DNM3: variants seen among roughly 807,000 people sequenced by gnomAD.
DNM3 encodes the protein dynamin-3.
A neutral mutation model predicts 101.6 loss-of-function variants in DNM3; 47 were observed. That is an observed-to-expected ratio of 0.46 (90% CI 0.37 to 0.59). The LOEUF (loss-of-function observed/expected upper bound fraction) is 0.59, where lower values mean the gene tolerates loss of function less well. Ranked by LOEUF, DNM3 falls within the 20% of genes least tolerant of loss-of-function variation. DNM3 has a pLI of 0.00. For synonymous variants in DNM3, 385 were observed against 387.9 expected (o/e 0.99, Z 0.09); for missense variants, 849 against 1,085.7 (o/e 0.78, Z 3.06).
chr1:172,089,814 A>C (rs1374557542), intron 12 of DNM3, among the ~76,000 whole-genome samples: 1 of 152,204 alleles, frequency 6.6e-6, no homozygotes, highest in East Asian at 1.9e-4. Context: ...TATCTAGTGT[A>C]GCTTATAAGC....
chr1:172,076,667 G>C (rs1037347886), intron 11 of DNM3, among the ~76,000 whole-genome samples: 4 of 152,064 alleles, frequency 2.6e-5, no homozygotes, highest in African/African-American at 9.7e-5. Flanking sequence ...GGATGAAGCC[G>C]ACTTGATCAT....
Position 172,236,073 on chromosome 1 carries a change from A to G in DNM3, c.1660-17500A>G, listed in dbSNP as rs148772323. Among the ~76,000 whole-genome samples, 843 of 152,304 alleles carry G rather than the reference A, an allele frequency of 5.5e-3. 8 individuals are homozygous for G. Among genetic ancestry groups the G allele is most frequent in the African/African-American group, 0.019 (792 of 41,568 alleles). ...AAATCCAAATTTAGCTCTTGGGACT[A>G]TAGTTTGCCAATCAGTGCTCCACTC... On this transcript the variant is annotated intron_variant, in intron 14 of 20. Coordinates refer to ENST00000627582, the MANE Select transcript of DNM3 (RefSeq NM_015569.5).
At chr1:172,078,238 A>T (rs1572408294) in intron 11 of DNM3, among the ~76,000 whole-genome samples, 1 of 152,106 alleles carries the variant, frequency 6.6e-6, no homozygotes, top group Middle Eastern at 3.4e-3. Flanking sequence ...GATTACAGGC[A>T]CCTGCCACCA....
At chr1:171,866,717 CA>C (rs1260058692) in intron 1 of DNM3, among the ~76,000 whole-genome samples, 2 of 151,854 alleles carry the variant, frequency 1.3e-5, no homozygotes, top group Admixed American at 1.3e-4. Context: ...TTGTACTTTT[CA>C]AATAGAATGT....
chr1:172,120,010 A>C (rs1469905999), intron 13 of DNM3, among the ~76,000 whole-genome samples: 1 of 152,198 alleles, frequency 6.6e-6, no homozygotes, highest in Non-Finnish European at 1.5e-5. Flanking sequence ...GTCAACTATC[A>C]ATCACCCTGT....
chr1:172,031,701 A>T (rs925114640), intron 4 of DNM3, among the ~76,000 whole-genome samples: 1 of 152,224 alleles, frequency 6.6e-6, no homozygotes, highest in Admixed American at 6.5e-5. Flanking sequence ...TTACTGGAAG[A>T]AACCTTGGAG....
chr1:171,982,676 G>GTC (rs563902097), intron 2 of DNM3, among the ~76,000 whole-genome samples: 141 of 151,808 alleles, frequency 9.3e-4, no homozygotes, highest in Non-Finnish European at 1.8e-3. Flanking sequence ...GTGTGTGTGT[G>GTC]TGTGTGTATA....
chr1:172,200,175 G>A (rs2060101190), intron 14 of DNM3, among the ~76,000 whole-genome samples: 1 of 152,078 alleles, frequency 6.6e-6, no homozygotes, highest in African/African-American at 2.4e-5. Flanking sequence ...AGCTTAGTTT[G>A]GCTGTATATG....
At chr1:172,170,785 A>G (rs1325114720) in intron 14 of DNM3, among the ~76,000 whole-genome samples, 2 of 151,830 alleles carry the variant, frequency 1.3e-5, no homozygotes, top group African/African-American at 2.4e-5. Context: ...ATTCTTGCAC[A>G]GTCCATGTTT....
intron 17 of DNM3, among the ~76,000 whole-genome samples, chr1:172,333,439 C>G (rs1357899703): frequency 6.6e-6 from 1 of 152,144 alleles, no homozygotes; most frequent in Non-Finnish European, 1.5e-5. Context: ...ATTAAGCAAT[C>G]TGAATAGATG....
chr1:172,237,824 TGA>T (rs1410851914), intron 14 of DNM3, among the ~76,000 whole-genome samples: 1 of 152,158 alleles, frequency 6.6e-6, no homozygotes, highest in Non-Finnish European at 1.5e-5. Flanking sequence ...AACATTAATG[TGA>T]GAGATTATAT....
chr1:172,174,878 A>G (rs956896586), intron 14 of DNM3, among the ~76,000 whole-genome samples: 1 of 151,774 alleles, frequency 6.6e-6, no homozygotes, highest in Non-Finnish European at 1.5e-5. Flanking sequence ...ATATCACAAA[A>G]TGGTTCAGAA....
intron 15 of DNM3, among the ~76,000 whole-genome samples, chr1:172,265,641 C>T (rs140629428): frequency 1.2e-4 from 18 of 152,282 alleles, no homozygotes; most frequent in Admixed American, 5.2e-4. Context: ...TTCAAATGCT[C>T]CTCCAGGTTT....
At chr1:172,211,606 A>C (rs971634624) in intron 14 of DNM3, among the ~76,000 whole-genome samples, 2 of 152,090 alleles carry the variant, frequency 1.3e-5, no homozygotes, top group African/African-American at 2.4e-5. Context: ...TAAGTATCTC[A>C]TGTGGACTGA....
chr1:171,888,329 G>A (rs534139379), intron 1 of DNM3, among the ~76,000 whole-genome samples: 5 of 152,000 alleles, frequency 3.3e-5, no homozygotes, highest in African/African-American at 1.2e-4. Flanking sequence ...CTTAGAGTAG[G>A]GGGGGAATAA....
intron 4 of DNM3, among the ~76,000 whole-genome samples, chr1:172,029,290 C>G (rs975238263): frequency 6.6e-6 from 1 of 152,076 alleles, no homozygotes; most frequent in Non-Finnish European, 1.5e-5. Flanking sequence ...ATCACATAAA[C>G]AGAACCAACG....
At chr1:172,160,072 A>T (rs975237688) in intron 14 of DNM3, among the ~76,000 whole-genome samples, 1 of 152,016 alleles carries the variant, frequency 6.6e-6, no homozygotes, top group African/African-American at 2.4e-5. Context: ...TAAAAAAAAA[A>T]AAAAAGGTAC....
At chr1:172,176,323 A>G (rs2059152721) in intron 14 of DNM3, among the ~76,000 whole-genome samples, 1 of 151,862 alleles carries the variant, frequency 6.6e-6, no homozygotes, top group African/African-American at 2.4e-5. Context: ...AAGGAAGGAA[A>G]CATTTTCCCC....
intron 1 of DNM3, among the ~76,000 whole-genome samples, chr1:171,862,465 A>T (rs1044280842): frequency 2.6e-5 from 4 of 152,188 alleles, no homozygotes; most frequent in Non-Finnish European, 4.4e-5. Flanking sequence ...TCTTAAAAAC[A>T]TTACACTAAG....
Sources: gnomAD v4.1 joint callset for allele counts (sites outside exome capture counted in the v4.1 genomes callset) on GRCh38, gnomAD v4.1.1 for gene constraint, MANE v1.5 for transcripts, NCBI Gene and HGNC (gene_info 2026-07-23, HGNC 2026-07-21) for gene names.